SCG5: variants seen among roughly 807,000 people sequenced by gnomAD.
SCG5 encodes neuroendocrine protein 7B2.
A neutral mutation model predicts 25.7 loss-of-function variants in SCG5; 18 were observed. That is an observed-to-expected ratio of 0.70 (90% confidence interval 0.48 to 1.04). The LOEUF (loss-of-function observed/expected upper bound fraction) is 1.04. SCG5 is among the 50% of genes least tolerant of loss of function. SCG5 has a pLI of 0.00. For synonymous variants in SCG5, 101 were observed against 91.7 expected (o/e 1.10, Z -0.58); for missense variants, 206 against 259.8 (o/e 0.79, Z 1.42).
intron 2 of SCG5, among the ~76,000 whole-genome samples, chr15:32,665,437 G>C (rs943198548): frequency 1.3e-5 from 2 of 152,000 alleles, no homozygotes; most frequent in African/African-American, 4.8e-5. Context: ...AGATAGGCCA[G>C]GAGGGAAACT....
intron 4 of SCG5, among the ~76,000 whole-genome samples, chr15:32,690,126 G>A (rs983894066): frequency 3.3e-5 from 5 of 152,058 alleles, no homozygotes; most frequent in African/African-American, 4.8e-5. Context: ...ATTTCTTTTT[G>A]AATGAAGACT....
chr15:32,648,782 T>A lies in SCG5; in HGVS notation c.226+4964T>A, dbSNP rs867415359. On this transcript the variant is annotated intron_variant, in intron 2 of 5. Transcript: ENST00000300175. The stretch of plus-strand genomic sequence containing the variant: ...TCTGTTGCAGTCTCCTTTTTTTTTT[T>A]TAAAAAAAAAACAGAGTCTCACTCT... Among the ~76,000 whole-genome samples, 854 of 139,034 alleles carry A rather than the reference T, an allele frequency of 6.1e-3. 10 individuals carry two copies. The highest frequency in any genetic ancestry group is 0.023 in the African/African-American group (811 of 35,964). 91.2% of individuals were successfully genotyped at this position (139,034 alleles called of 152,430 possible).
At chr15:32,663,037 A>G (rs2054250739) in intron 2 of SCG5, among the ~76,000 whole-genome samples, 3 of 8,296 alleles carry the variant, frequency 3.6e-4, no homozygotes, top group South Asian at 4.1e-3. Flanking sequence ...AAAAGAATAT[A>G]TATATATATA....
intron 2 of SCG5, among the ~76,000 whole-genome samples, chr15:32,654,983 A>G (rs951478935): frequency 1.3e-5 from 2 of 152,218 alleles, no homozygotes; most frequent in Non-Finnish European, 2.9e-5. Context: ...TTGGTCACTT[A>G]GGACTGCAAT....
intron 1 of SCG5, among the ~76,000 whole-genome samples, chr15:32,642,150 G>A (rs552195434): frequency 6.6e-6 from 1 of 152,108 alleles, no homozygotes; most frequent in South Asian, 2.1e-4. Context: ...GCTAGAAAAG[G>A]CCTTTTCTTT....
intron 4 of SCG5, among the ~76,000 whole-genome samples, chr15:32,685,098 A>G (rs1567087209): frequency 6.6e-6 from 1 of 152,250 alleles, no homozygotes; most frequent in Non-Finnish European, 1.5e-5. Context: ...AAGATGCCAG[A>G]GCTTAGAAAC....
At chr15:32,648,172 C>G (rs930024437) in intron 2 of SCG5, among the ~76,000 whole-genome samples, 1 of 152,130 alleles carries the variant, frequency 6.6e-6, no homozygotes, top group East Asian at 1.9e-4. Flanking sequence ...AACTAAATAC[C>G]TACAGTAACC....
intron 3 of SCG5, among the ~76,000 whole-genome samples, chr15:32,680,400 G>T (rs536287216): frequency 6.6e-6 from 1 of 151,696 alleles, no homozygotes; most frequent in Non-Finnish European, 1.5e-5. Context: ...GGGATTCAGC[G>T]TGTTAGCCAG....
At chr15:32,647,948 T>C (rs1225235798) in intron 2 of SCG5, among the ~76,000 whole-genome samples, 1 of 152,202 alleles carries the variant, frequency 6.6e-6, no homozygotes, top group African/African-American at 2.4e-5. Context: ...CTACTTGATC[T>C]CATTCATTCT....
intron 2 of SCG5, among the ~76,000 whole-genome samples, chr15:32,650,309 G>C (rs2054014061): frequency 6.6e-6 from 1 of 152,116 alleles, no homozygotes; most frequent in Non-Finnish European, 1.5e-5. Flanking sequence ...CACCATGTTA[G>C]CCAGGATGGT....
rs559670056 is a variant in SCG5 at position 32,655,262 on chromosome 15, C to T, written c.226+11444C>T. 5.2e-3 allele frequency among the ~76,000 whole-genome samples: 788 copies of T among 151,586 alleles called. 2 individuals carry two copies. Among genetic ancestry groups the T allele is most frequent in the Non-Finnish European group, 8.9e-3 (601 of 67,906 alleles). On this transcript the variant is annotated intron_variant, in intron 2 of 5. Coordinates refer to ENST00000300175, the MANE Select transcript of SCG5 (RefSeq NM_001144757.3). ...GGCGGAGCTTGCAGTGAGCCGAGAT[C>T]GTGCCACTGCACTCCAGCCTGGGCA...
chr15:32,673,338 C>A (rs1359587286), intron 2 of SCG5, among the ~76,000 whole-genome samples: 1 of 152,156 alleles, frequency 6.6e-6, no homozygotes, highest in Non-Finnish European at 1.5e-5. Flanking sequence ...GGCACTCTCT[C>A]GGAGCTAATT....
intron 2 of SCG5, among the ~76,000 whole-genome samples, chr15:32,652,764 A>T (rs2054053516): frequency 6.6e-6 from 1 of 152,224 alleles, no homozygotes; most frequent in African/African-American, 2.4e-5. Flanking sequence ...TTATACATTT[A>T]TACACCTCAC....
Position 32,664,991 on chromosome 15 carries a change from T to C in SCG5, c.227-14775T>C, listed in dbSNP as rs533360640. Among the ~76,000 whole-genome samples the C allele has an allele frequency of 3.9e-5, 6 of 152,308 alleles. No individual in the cohort carries two copies. In the South Asian group the frequency reaches 1.2e-3, roughly 32 times the overall value. On this transcript the variant is annotated intron_variant, in intron 2 of 5. Transcript: ENST00000300175. ...TCTCCAGTTTTAATCTCAGATAATC[T>C]TCCTCTTGTAGTCATTCTTCTCCCT...
intron 2 of SCG5, among the ~76,000 whole-genome samples, chr15:32,676,926 G>A (rs1299755574): frequency 1.3e-5 from 2 of 152,122 alleles, no homozygotes; most frequent in Non-Finnish European, 2.9e-5. Context: ...GTTAGTAGTA[G>A]ATTTTAACAT....
At chr15:32,683,787 C>T (rs984606152) in intron 3 of SCG5, among the ~76,000 whole-genome samples, 4 of 152,300 alleles carry the variant, frequency 2.6e-5, no homozygotes, top group Middle Eastern at 3.4e-3. Context: ...AAAGCTTAAG[C>T]TGTTATCACA....
intron 2 of SCG5, among the ~76,000 whole-genome samples, chr15:32,649,971 G>T (rs781031540): frequency 6.6e-6 from 1 of 152,114 alleles, no homozygotes; most frequent in African/African-American, 2.4e-5. Flanking sequence ...ATAAAATGGG[G>T]TTTCCAGCCC....
At chr15:32,667,862 A>T (rs1410335821) in intron 2 of SCG5, among the ~76,000 whole-genome samples, 1 of 152,046 alleles carries the variant, frequency 6.6e-6, no homozygotes, top group Non-Finnish European at 1.5e-5. Flanking sequence ...TTTATTACAG[A>T]TGGGGTTTCA....
chr15:32,682,233 G>T (rs2054632387), intron 3 of SCG5, among the ~76,000 whole-genome samples: 1 of 152,064 alleles, frequency 6.6e-6, no homozygotes, highest in Admixed American at 6.5e-5. Flanking sequence ...AGATTCTGGG[G>T]GTGGGACCCA....
Sources: gnomAD v4.1 joint callset for allele counts (sites outside exome capture counted in the v4.1 genomes callset) on GRCh38, gnomAD v4.1.1 for gene constraint, MANE v1.5 for transcripts, NCBI Gene and HGNC (gene_info 2026-07-23, HGNC 2026-07-21) for gene names.